Variants in PUS7 observed in about 807,000 individuals in gnomAD.
The protein encoded by PUS7 is pseudouridine synthase 7.
A neutral mutation model predicts 79.8 loss-of-function variants in PUS7; 48 were observed. That is an observed-to-expected ratio of 0.60 (90% CI 0.48 to 0.76). The LOEUF is 0.76. PUS7 is among the 30% of genes least tolerant of loss of function. The pLI, the probability that PUS7 is intolerant of heterozygous loss-of-function variation, is 0.00. For synonymous variants in PUS7, 286 were observed against 272.2 expected, an observed-to-expected ratio of 1.05 and a Z score of -0.50; for missense variants, 729 against 797.6, an observed-to-expected ratio of 0.91 and a Z score of 1.04.
chr7:105,504,106 G>A (rs1586165358), intron 4 of PUS7, among the ~76,000 whole-genome samples: 1 of 135,206 alleles, frequency 7.4e-6, no homozygotes, highest in South Asian at 2.4e-4. Context: ...TTTCACTCTT[G>A]TTGCCCAGGC....
chr7:105,475,203 T>TGAGATG (rs1484390162), intron 9 of PUS7, among the ~76,000 whole-genome samples: 1 of 152,106 alleles, frequency 6.6e-6, no homozygotes, highest in Non-Finnish European at 1.5e-5. Flanking sequence ...CTTTTTTTTT[T>TGAGATG]GAGATGGAGT....
At position 105,518,932 on chromosome 7, in the gene PUS7, C is replaced by T. The variant is rs565245720; in HGVS notation, c.-33+3120G>A. The stretch of plus-strand genomic sequence containing the variant: ...TACAGGCGCCCGCCACAACACCAGG[C>T]TAATTTTTTGTATTTTTAATAGAGA... On this transcript the variant is annotated intron_variant, in intron 1 of 15. Coordinates refer to ENST00000469408, the MANE Select transcript of PUS7 (RefSeq NM_019042.5). 2.0e-4 allele frequency among the ~76,000 whole-genome samples: 31 copies of T among 151,344 alleles called. No homozygotes were observed. The South Asian group carries it at 5.9e-3, about 29-fold the overall frequency.
intron 1 of PUS7, among the ~76,000 whole-genome samples, chr7:105,517,321 T>A (rs1976969): frequency 1.3e-5 from 2 of 151,902 alleles, no homozygotes; most frequent in African/African-American, 2.4e-5. Context: ...CCAACACGCC[T>A]GGCTAATTTT....
intron 1 of PUS7, among the ~76,000 whole-genome samples, chr7:105,515,791 T>TTTTTTTTATTTATTTATTTATTTA (rs1554353689): frequency 6.6e-5 from 8 of 121,240 alleles, no homozygotes; most frequent in African/African-American, 1.6e-4. Context: ...TTTTATTTTA[T>TTTTTTTTATTTATTTATTTATTTA]TTTATTTATT....
intron 1 of PUS7, among the ~76,000 whole-genome samples, chr7:105,509,420 A>C (rs1174912229): frequency 6.6e-6 from 1 of 152,046 alleles, no homozygotes; most frequent in Non-Finnish European, 1.5e-5. Flanking sequence ...TTATCTTAAG[A>C]AAATAATTAA....
At chr7:105,464,752 C>T (rs1007256268) in intron 13 of PUS7, among the ~76,000 whole-genome samples, 1 of 151,656 alleles carries the variant, frequency 6.6e-6, no homozygotes, top group Admixed American at 6.6e-5. Flanking sequence ...GATGGCCTGT[C>T]GTGGGACTTC....
intron 1 of PUS7, among the ~76,000 whole-genome samples, chr7:105,521,104 T>G (rs772019410): frequency 2.1e-4 from 32 of 152,172 alleles, no homozygotes; most frequent in Non-Finnish European, 4.6e-4. Flanking sequence ...TGTTTGAACC[T>G]AACAATTGCC....
chr7:105,496,116 C>A (rs1825003249), intron 5 of PUS7, among the ~76,000 whole-genome samples: 1 of 150,242 alleles, frequency 6.7e-6, no homozygotes, highest in Non-Finnish European at 1.5e-5. Context: ...CAAGATCGTG[C>A]CATTGCATTC....
Position 105,491,364 on chromosome 7 carries a change from A to G in PUS7, c.920+176T>C, listed in dbSNP as rs78939267. On this transcript the variant is annotated intron_variant, in intron 7 of 15. Transcript: ENST00000469408. Reference sequence around the variant, plus strand: ...CCAAAAAAATCTTTAAAAATTACACAAATAATACACGTTTCATAGATAAGA... The same window carrying G: ...CCAAAAAAATCTTTAAAAATTACACGAATAATACACGTTTCATAGATAAGA... 7.0e-3 allele frequency among the ~76,000 whole-genome samples: 1,059 copies of G among 152,332 alleles called. 39 individuals carry two copies. Among genetic ancestry groups the G allele is most frequent in the East Asian group, 0.049 (254 of 5,190 alleles).
At chr7:105,487,779 C>T (rs1333007702) in intron 7 of PUS7, among the ~76,000 whole-genome samples, 1 of 152,166 alleles carries the variant, frequency 6.6e-6, no homozygotes. Context: ...AGAAAGGAGA[C>T]TGGCAGGAAC....
intron 9 of PUS7, among the ~76,000 whole-genome samples, chr7:105,474,521 C>A (rs1341910364): frequency 6.6e-6 from 1 of 151,592 alleles, no homozygotes; most frequent in Non-Finnish European, 1.5e-5. Context: ...GTAATCTCAG[C>A]ACTTTGGGAG....
At chr7:105,496,916 A>T in intron 5 of PUS7, 1 of 1,164,050 alleles carries the variant, frequency 8.6e-7, no homozygotes, top group Non-Finnish European at 1.1e-6. Context: ...AATCTTTGGC[A>T]TTTCACTTTA....
At chr7:105,521,622 G>C (rs1431932179) in intron 1 of PUS7, among the ~76,000 whole-genome samples, 4 of 152,246 alleles carry the variant, frequency 2.6e-5, no homozygotes, top group Non-Finnish European at 5.9e-5. Context: ...AGGCAGGCGC[G>C]GCGAAGCAGT....
rs57095427 is a variant in PUS7, at chr7:105,509,184, C to CAAAAA, written c.-32-645_-32-641dup. On this transcript the variant is annotated intron_variant, in intron 1 of 15. Coordinates refer to ENST00000469408, the MANE Select transcript of PUS7 (RefSeq NM_019042.5). ...GGGGGACCAGAGCAAGACTCCATCT[C>CAAAAA]AAAAAAAAAAAAAAAAAAAAAAAAA... Among the ~76,000 whole-genome samples, 79 of 55,710 alleles carry CAAAAA rather than the reference C, an allele frequency of 1.4e-3. 3 individuals carry two copies. The highest frequency in any genetic ancestry group is 2.1e-3 in the South Asian group (2 of 932). The allele number at this position is 55,710 out of a possible 152,430, so 36.5% of individuals were successfully genotyped here.
intron 6 of PUS7, among the ~76,000 whole-genome samples, chr7:105,492,256 T>G (rs1415413307): frequency 6.6e-6 from 1 of 151,762 alleles, no homozygotes; most frequent in Non-Finnish European, 1.5e-5. Context: ...ACTACACTCC[T>G]GCCTGGGTGA....
intron 1 of PUS7, among the ~76,000 whole-genome samples, chr7:105,516,856 C>T (rs1335073053): frequency 1.3e-5 from 2 of 151,924 alleles, no homozygotes; most frequent in African/African-American, 2.4e-5. Flanking sequence ...AGAAAACAAG[C>T]CTGACTACCC....
chr7:105,459,073 T>G, intron 15 of PUS7, 95 bp downstream of exon 15: 1 of 617,882 alleles, frequency 1.6e-6, no homozygotes, highest in Admixed American at 2.9e-5. Context: ...TGGGTGGTGG[T>G]AGTGCTTGTA....
intron 9 of PUS7, among the ~76,000 whole-genome samples, chr7:105,477,726 A>G (rs1824170979): frequency 6.6e-6 from 1 of 151,698 alleles, no homozygotes; most frequent in Non-Finnish European, 1.5e-5. Flanking sequence ...ATCCTGTCCC[A>G]TTAGTAGTCA....
chr7:105,468,684 A>ATTTTTTTTTTTTTTTTTTTTTTTTTTT (rs1398225153), intron 11 of PUS7, among the ~76,000 whole-genome samples: 2 of 151,068 alleles, frequency 1.3e-5, no homozygotes, highest in African/African-American at 4.9e-5. Context: ...CACCTGTCTA[A>ATTTTTTTTTTTTTTTTTTTTTTTTTTT]TTTTTGTATT....
Sources: allele counts gnomAD v4.1 joint callset (sites outside exome capture counted in the v4.1 genomes callset), GRCh38; gene constraint gnomAD v4.1.1; transcripts MANE v1.5; gene names NCBI Gene and HGNC (gene_info 2026-07-23, HGNC 2026-07-21).